The following PRELID2 variants were observed in gnomAD, a reference collection of about 807,000 sequenced individuals.
PRELID2 encodes PRELI domain-containing protein 2.
A neutral mutation model predicts 28.4 loss-of-function variants in PRELID2; 25 were observed. The ratio of observed to expected loss-of-function variants is 0.88; its 90% CI spans 0.64 to 1.23. The LOEUF is 1.23. Among genes scored for constraint, PRELID2 ranks in the 50% most tolerant of loss-of-function variants. The pLI is 0.00. For synonymous variants in PRELID2, 76 were observed against 71.6 expected, an observed-to-expected ratio of 1.06 and a Z score of -0.31; for missense variants, 201 against 214.4, an observed-to-expected ratio of 0.94 and a Z score of 0.39.
chr5:145,633,487 G>A (rs147152691), intron 1 of PRELID2, among the ~76,000 whole-genome samples: 1 of 152,116 alleles, frequency 6.6e-6, no homozygotes, highest in African/African-American at 2.4e-5. Flanking sequence ...AAAGGCAAAT[G>A]GCCAGCAACA....
chr5:145,291,047 A>T, the PRELID2 span, among the ~76,000 whole-genome samples: 2 of 149,664 alleles, frequency 1.3e-5, no homozygotes, highest in Middle Eastern at 3.2e-3. Context: ...TCATTACTTT[A>T]AAAAAAAAGG....
chr5:145,623,266 G>T (rs1045032305), intron 1 of PRELID2, among the ~76,000 whole-genome samples: 2 of 151,624 alleles, frequency 1.3e-5, no homozygotes, highest in Non-Finnish European at 2.9e-5. Context: ...CGGCCAACAT[G>T]GCGAAACCCC....
chr5:145,442,696 T>C, the PRELID2 span, among the ~76,000 whole-genome samples: 1 of 152,092 alleles, frequency 6.6e-6, no homozygotes, highest in Non-Finnish European at 1.5e-5. Flanking sequence ...AACATTTGTA[T>C]GTAGAAGTAC....
intron 1 of PRELID2, among the ~76,000 whole-genome samples, chr5:145,535,864 A>C (rs901515156): frequency 6.6e-5 from 10 of 151,968 alleles, no homozygotes; most frequent in African/African-American, 2.2e-4. Context: ...GAATCAAAGA[A>C]TGGGCAAAGT....
At chr5:145,606,845 A>C (rs1753511667) in intron 1 of PRELID2, among the ~76,000 whole-genome samples, 1 of 151,620 alleles carries the variant, frequency 6.6e-6, no homozygotes, top group Non-Finnish European at 1.5e-5. Flanking sequence ...TTTTACCAGC[A>C]CTCCTTTTAC....
At chr5:145,753,133 G>C (rs540419713), downstream of PRELID2, among the ~76,000 whole-genome samples, 4 of 152,346 alleles carry the variant, frequency 2.6e-5, no homozygotes, top group Non-Finnish European at 5.9e-5. Flanking sequence ...TCCATCAGCA[G>C]CCTAACAGAT....
intron 1 of PRELID2, among the ~76,000 whole-genome samples, chr5:145,609,806 T>TCACC (rs1007003344): frequency 1.3e-5 from 2 of 152,072 alleles, no homozygotes; most frequent in Non-Finnish European, 2.9e-5. Context: ...ATGAATGGGG[T>TCACC]CACCCACCCT....
intron 1 of PRELID2, among the ~76,000 whole-genome samples, chr5:145,562,265 A>G (rs761806509): frequency 2.5e-4 from 38 of 152,348 alleles, no homozygotes; most frequent in Non-Finnish European, 4.9e-4. Flanking sequence ...AAATCCTGTA[A>G]TGATGGCAGT....
the PRELID2 span, among the ~76,000 whole-genome samples, chr5:145,281,444 C>T: frequency 6.6e-6 from 1 of 152,150 alleles, no homozygotes; most frequent in Non-Finnish European, 1.5e-5. Context: ...TTTCTGTGCA[C>T]AACCAATTTA....
intron 1 of PRELID2, among the ~76,000 whole-genome samples, chr5:145,505,219 G>C (rs1752398595): frequency 2.0e-5 from 3 of 152,130 alleles, no homozygotes; most frequent in African/African-American, 7.2e-5. Context: ...CAAATAGTCA[G>C]GAAAGAGAAA....
At chr5:145,378,045 A>G in the PRELID2 span, among the ~76,000 whole-genome samples, 2 of 152,126 alleles carry the variant, frequency 1.3e-5, no homozygotes, top group African/African-American at 4.8e-5. Context: ...CTCCTCATTT[A>G]TGAAGCTTAG....
chr5:145,271,224 G>GCAAAT, the PRELID2 span, among the ~76,000 whole-genome samples: 1 of 151,974 alleles, frequency 6.6e-6, no homozygotes. Flanking sequence ...TGTCCCTAAG[G>GCAAAT]CAAATTCTAC....
intron 1 of PRELID2, among the ~76,000 whole-genome samples, chr5:145,591,275 G>A (rs1240602973): frequency 2.0e-5 from 3 of 149,158 alleles, no homozygotes; most frequent in South Asian, 4.2e-4. Flanking sequence ...CAGCCTGAGT[G>A]ATAGAGCGAG....
At chr5:145,543,879 T>A (rs1167902402) in intron 1 of PRELID2, among the ~76,000 whole-genome samples, 3 of 152,116 alleles carry the variant, frequency 2.0e-5, no homozygotes, top group Non-Finnish European at 4.4e-5. Context: ...TGGGTTTTTT[T>A]ATGAGATAAA....
At position 145,548,737 on chromosome 5, in the gene PRELID2, T is replaced by C. The variant is rs147834319; in HGVS notation, n.71-75422A>G. On this transcript the variant is annotated intron_variant and non_coding_transcript_variant, in intron 1 of 2. Coordinates refer to the PRELID2 transcript ENST00000510259. Reference sequence around the variant, plus strand: ...TGAGCTCTTGCTGCACCTTCAGTCTTGCCATCTTGCCCTAATCCATACTCT... The same window carrying C: ...TGAGCTCTTGCTGCACCTTCAGTCTCGCCATCTTGCCCTAATCCATACTCT... Among the ~76,000 whole-genome samples, 346 of 152,308 alleles carry C rather than the reference T, an allele frequency of 2.3e-3. 1 individual carries two copies. The highest frequency in any genetic ancestry group is 7.9e-3 in the African/African-American group (327 of 41,568).
chr5:145,478,639 T>C (rs1024710987), intron 1 of PRELID2, among the ~76,000 whole-genome samples: 2 of 152,224 alleles, frequency 1.3e-5, no homozygotes, highest in East Asian at 3.8e-4. Flanking sequence ...TCTGGGACAT[T>C]TGTGGCTGAA....
the PRELID2 span, among the ~76,000 whole-genome samples, chr5:145,274,447 C>T: frequency 4.2e-4 from 64 of 152,236 alleles, no homozygotes; most frequent in African/African-American, 1.5e-3. Context: ...ATGGACCCCG[C>T]GGCAGCTGGA....
At chr5:145,284,443 C>T in the PRELID2 span, among the ~76,000 whole-genome samples, 1 of 151,942 alleles carries the variant, frequency 6.6e-6, no homozygotes, top group Non-Finnish European at 1.5e-5. Context: ...CAGTCACAGC[C>T]GGGCAAGAAA....
chr5:145,584,471 A>G (rs184431916), intron 1 of PRELID2, among the ~76,000 whole-genome samples: 1 of 152,294 alleles, frequency 6.6e-6, no homozygotes, highest in Admixed American at 6.5e-5. Context: ...GTACAGCAAA[A>G]GAAACTAGCA....
Sources: gnomAD v4.1 joint callset for allele counts (sites outside exome capture counted in the v4.1 genomes callset) on GRCh38, gnomAD v4.1.1 for gene constraint, MANE v1.5 for transcripts, NCBI Gene and HGNC (gene_info 2026-07-23, HGNC 2026-07-21) for gene names.